Variants in CFAP20DC observed in about 807,000 individuals in gnomAD.
The protein encoded by CFAP20DC is protein CFAP20DC.
In CFAP20DC, 84 loss-of-function variants were observed where a neutral mutation model predicts 101.7. The observed-to-expected ratio is 0.83, with a 90% CI of 0.69 to 0.99. The LOEUF (loss-of-function observed/expected upper bound fraction) is 0.99. Among genes scored for constraint, CFAP20DC ranks in the 50% least tolerant of loss-of-function variants. CFAP20DC has a pLI of 0.00. For synonymous variants in CFAP20DC, 359 were observed against 351.2 expected (o/e 1.02, Z -0.25); for missense variants, 1,007 against 970.3 (o/e 1.04, Z -0.50).
At chr3:58,816,812 T>A (rs1284303044) in intron 14 of CFAP20DC, among the ~76,000 whole-genome samples, 14 of 152,130 alleles carry the variant, frequency 9.2e-5, no homozygotes, top group African/African-American at 1.7e-4. Flanking sequence ...CCTGCCTGCC[T>A]CTGTAGGCTC....
At chr3:58,977,161 G>A (rs2092313505) in intron 4 of CFAP20DC, among the ~76,000 whole-genome samples, 1 of 152,132 alleles carries the variant, frequency 6.6e-6, no homozygotes, top group South Asian at 2.1e-4. Flanking sequence ...TTTGCTTGAA[G>A]TCTCAATTTC....
chr3:58,849,454 T>G (rs1344830551), intron 12 of CFAP20DC, 45 bp from the exon 13 acceptor site: 15 of 1,422,842 alleles, frequency 1.1e-5, no homozygotes, highest in Admixed American at 2.7e-5. Flanking sequence ...CAGAAATTTG[T>G]GGTGAATAAG....
At chr3:58,813,744 G>A (rs1001564895) in intron 14 of CFAP20DC, among the ~76,000 whole-genome samples, 1 of 151,778 alleles carries the variant, frequency 6.6e-6, no homozygotes, top group Non-Finnish European at 1.5e-5. Flanking sequence ...CAGTCACTTA[G>A]CCTGACTACC....
At position 58,753,832 on chromosome 3, in the gene CFAP20DC, C is replaced by G. The variant is rs200231858; in HGVS notation, c.2269G>C (p.Val757Leu). 6.2e-7 allele frequency: 1 copy of G among 1,612,354 alleles called. No individual in the cohort carries two copies. The highest frequency in any genetic ancestry group is 1.7e-5 in the Admixed American group (1 of 59,854). ...DWLNMLSPPIVPPSQQPAEQR... is the reference protein window; with the variant it reads ...DWLNMLSPPILPPSQQPAEQR... ...TCAGCCGGCTGTTGACTGGGAGGAACGATTGGTGGGCTCAACATATTTAAC... is the reference window on the plus strand; with the variant it reads ...TCAGCCGGCTGTTGACTGGGAGGAAGGATTGGTGGGCTCAACATATTTAAC... Residue 757 changes from valine to leucine, a missense_variant, in exon 16 of 17, where the codon GTT becomes CTT. Physicochemically the swap from Val to Leu is conservative, Grantham distance 32 (BLOSUM62 1). Transcript: ENST00000482387.
At position 58,814,245 on chromosome 3, in the gene CFAP20DC, C is replaced by A. The variant is rs367908115; in HGVS notation, c.2176-7789G>T. Among the ~76,000 whole-genome samples the A allele has an allele frequency of 9.7e-4, 147 of 152,036 alleles. 3 individuals carry two copies. In the Middle Eastern group the frequency reaches 0.01, roughly 11 times the overall value. ...AAACCTCTATTCCAAATGACTTACT[C>A]CATCCCTTGGAAAATAGAAGTGGTT... On this transcript the variant is annotated intron_variant, in intron 14 of 16. Transcript: ENST00000482387.
chr3:58,812,270 G>C (rs1471083837), intron 14 of CFAP20DC, among the ~76,000 whole-genome samples: 1 of 152,084 alleles, frequency 6.6e-6, no homozygotes, highest in Non-Finnish European at 1.5e-5. Context: ...GTTTATTGCG[G>C]CTCTATTCAC....
intron 7 of CFAP20DC, among the ~76,000 whole-genome samples, chr3:58,878,892 C>T (rs2080994922): frequency 6.6e-6 from 1 of 152,022 alleles, no homozygotes; most frequent in African/African-American, 2.4e-5. Flanking sequence ...CCTGTAGTCC[C>T]AGCTACTCAG....
intron 4 of CFAP20DC, among the ~76,000 whole-genome samples, chr3:58,958,590 G>A (rs1576485058): frequency 6.6e-6 from 1 of 152,224 alleles, no homozygotes; most frequent in East Asian, 1.9e-4. Context: ...AAGTATGAGA[G>A]TTTCATTCTC....
intron 7 of CFAP20DC, among the ~76,000 whole-genome samples, chr3:58,883,931 G>C (rs2081405370): frequency 6.6e-6 from 1 of 152,114 alleles, no homozygotes; most frequent in Non-Finnish European, 1.5e-5. Context: ...AACAGCTCTG[G>C]TGTCTATCAC....
At chr3:58,816,278 C>T (rs892643822) in intron 14 of CFAP20DC, among the ~76,000 whole-genome samples, 8 of 152,026 alleles carry the variant, frequency 5.3e-5, no homozygotes, top group African/African-American at 9.7e-5. Flanking sequence ...CCAAACACCG[C>T]GGGGAGGAGC....
intron 6 of CFAP20DC, among the ~76,000 whole-genome samples, chr3:58,890,954 CAG>C: frequency 6.9e-6 from 1 of 144,462 alleles, no homozygotes; most frequent in South Asian, 2.3e-4. Context: ...GGCAGCCAGG[CAG>C]AGGGGCTCCT....
At chr3:58,763,557 C>A (rs571253290) in intron 15 of CFAP20DC, among the ~76,000 whole-genome samples, 1 of 152,332 alleles carries the variant, frequency 6.6e-6, no homozygotes, top group Admixed American at 6.5e-5. Context: ...CATTCTCCGT[C>A]CAGCTTTGTT....
intron 4 of CFAP20DC, among the ~76,000 whole-genome samples, chr3:58,986,386 T>C (rs73837004): frequency 0.018 from 2,728 of 152,220 alleles, 69 homozygotes; most frequent in African/African-American, 0.061. Context: ...GTAACATCTA[T>C]AGTGAGACAG....
chr3:58,755,054 G>A (rs75430393), intron 15 of CFAP20DC, among the ~76,000 whole-genome samples: 8,518 of 152,094 alleles, frequency 0.056, 525 homozygotes, highest in East Asian at 0.35. Context: ...GAACTAAACC[G>A]GTAAAGGATG....
rs1013148455 is a variant in CFAP20DC, at chr3:58,728,433, T to G, written c.198-10805A>C. Among the ~76,000 whole-genome samples the G allele has an allele frequency of 6.6e-6, 1 of 152,242 alleles. No homozygotes were observed. Among genetic ancestry groups the G allele is most frequent in the African/African-American group, 2.4e-5 (1 of 41,474 alleles). On this transcript the variant is annotated intron_variant, in intron 3 of 3. Coordinates refer to the CFAP20DC transcript ENST00000486145. The surrounding 1 kb of genome is among the most constrained non-coding windows in gnomAD (Gnocchi z 4.7). ...CTAAAGAATTTTGATGTTTGTGTTA[T>G]TCAGACCTTTACGTGATTTGTAAAA...
At chr3:58,937,360 C>T (rs543527172) in intron 5 of CFAP20DC, among the ~76,000 whole-genome samples, 50 of 152,266 alleles carry the variant, frequency 3.3e-4, no homozygotes, top group African/African-American at 1.0e-3. Flanking sequence ...AAAGCCTTCC[C>T]CCATCCCCAG....
In CFAP20DC at chr3:58,874,224, T is replaced by A. The variant is rs1444987739; in HGVS notation, c.716-3915A>T. On this transcript the variant is annotated intron_variant, in intron 7 of 16. Coordinates refer to ENST00000482387, the MANE Select transcript of CFAP20DC (RefSeq NM_001394063.1). The surrounding 1 kb of genome is among the most constrained non-coding windows in gnomAD (Gnocchi z 5.1). ...GAATCTAGGTGTCATGCTTGACACC[T>A]TCCCCTGATCTCTCCATATCCCATC... Among the ~76,000 whole-genome samples the A allele has an allele frequency of 1.3e-5, 2 of 152,152 alleles. No homozygotes were observed. The highest frequency in any genetic ancestry group is 6.5e-5 in the Admixed American group (1 of 15,278).
intron 5 of CFAP20DC, among the ~76,000 whole-genome samples, chr3:58,927,929 C>G (rs2086163933): frequency 6.6e-6 from 1 of 152,168 alleles, no homozygotes; most frequent in Non-Finnish European, 1.5e-5. Flanking sequence ...TGCCAAGCAC[C>G]TCTTGGATTG....
chr3:58,891,054 T>G (rs1313632197), intron 6 of CFAP20DC, among the ~76,000 whole-genome samples: 1 of 148,730 alleles, frequency 6.7e-6, no homozygotes, highest in East Asian at 2.0e-4. Flanking sequence ...ATCTCGGCAC[T>G]TTGGGAGGCC....
Sources: gnomAD v4.1 joint callset for allele counts (sites outside exome capture counted in the v4.1 genomes callset) on GRCh38, gnomAD v4.1.1 for gene constraint, Gnocchi (gnomAD v3.1) non-coding constraint, MANE v1.5 for transcripts, NCBI Gene and HGNC (gene_info 2026-07-23, HGNC 2026-07-21) for gene names.